The following COL14A1 variants were observed in gnomAD, a reference collection of about 807,000 sequenced individuals.
COL14A1 encodes the protein collagen alpha-1(XIV) chain.
COL14A1 carries 136 observed loss-of-function variants against 230.3 expected under a neutral mutation model. The observed-to-expected ratio is 0.59, with a 90% CI of 0.51 to 0.68. COL14A1 has a LOEUF of 0.68. Ranked by LOEUF, COL14A1 falls within the 30% of genes least tolerant of loss-of-function variation. The pLI is 0.00. For synonymous variants in COL14A1, 792 were observed against 784.1 expected (o/e 1.01, Z -0.17); for missense variants, 1,976 against 2,215.8 (o/e 0.89, Z 2.17).
chr8:120,302,889 A>G (rs1014725027), intron 36 of COL14A1, among the ~76,000 whole-genome samples: 1 of 152,134 alleles, frequency 6.6e-6, no homozygotes, highest in African/African-American at 2.4e-5. Context: ...ACGTTTTTCC[A>G]TTTGTTTATG....
chr8:120,148,717 G>T (rs1041152119), intron 2 of COL14A1, among the ~76,000 whole-genome samples: 1 of 152,070 alleles, frequency 6.6e-6, no homozygotes, highest in Non-Finnish European at 1.5e-5. Flanking sequence ...ACATTATAAG[G>T]GCCTGACAGA....
chr8:120,285,966 A>T lies in COL14A1; in HGVS notation c.4073A>T (p.His1358Leu). Reference sequence around the variant, plus strand: ...AGGAAAATTTTTTATGGAAGCTTTCACAAGGTTAGTAATGCTTTGTATGCA... The same window carrying T: ...AGGAAAATTTTTTATGGAAGCTTTCTCAAGGTTAGTAATGCTTTGTATGCA... ...EIRKIFYGSF[H>L]KLHIVVSETL... The change falls in exon 33 of 48, where the codon CAC becomes CTC. Residue 1358 changes from histidine to leucine, a missense_variant. Physicochemically the swap from His to Leu is moderately conservative, Grantham distance 99. Transcript: ENST00000297848. The T allele has an allele frequency of 6.5e-7, 1 of 1,542,414 alleles. No individual in the cohort carries two copies. The highest frequency in any genetic ancestry group is 9.0e-7 in the Non-Finnish European group (1 of 1,115,394).
intron 4 of COL14A1, among the ~76,000 whole-genome samples, chr8:120,166,922 G>GTGTGTGTGTGTGTGTGTGTGTGTGT (rs1217998586): frequency 7.4e-6 from 1 of 134,412 alleles, no homozygotes; most frequent in East Asian, 2.1e-4. Context: ...GTGTGTGTGT[G>GTGTGTGTGTGTGTGTGTGTGTGTGT]GTGGTGATGA....
intron 13 of COL14A1, among the ~76,000 whole-genome samples, chr8:120,214,418 A>C (rs1817691960): frequency 6.6e-6 from 1 of 152,206 alleles, no homozygotes; most frequent in Non-Finnish European, 1.5e-5. Flanking sequence ...TTTTTACAAT[A>C]AGCCTGTAAA....
intron 31 of COL14A1, among the ~76,000 whole-genome samples, chr8:120,281,726 CTAA>C (rs1820047230): frequency 6.6e-6 from 1 of 152,048 alleles, no homozygotes; most frequent in African/African-American, 2.4e-5. Flanking sequence ...CACAAAGAAG[CTAA>C]ATGACTTGAG....
chr8:120,318,795 C>T (rs569249006), intron 40 of COL14A1, among the ~76,000 whole-genome samples: 3 of 152,186 alleles, frequency 2.0e-5, no homozygotes, highest in African/African-American at 7.2e-5. Context: ...AGAGAGCAAA[C>T]GCAGGATGAT....
At chr8:120,156,174 C>CTTTTTTT (rs67203803) in intron 2 of COL14A1, among the ~76,000 whole-genome samples, 1 of 148,088 alleles carries the variant, frequency 6.8e-6, no homozygotes, top group Non-Finnish European at 1.5e-5. Context: ...AGGGTGACTT[C>CTTTTTTT]TTTTTTTTTT....
At chr8:120,236,131 C>T (rs1818436065) in intron 19 of COL14A1, among the ~76,000 whole-genome samples, 1 of 152,102 alleles carries the variant, frequency 6.6e-6, no homozygotes, top group Non-Finnish European at 1.5e-5. Flanking sequence ...TCTATTAGGT[C>T]CTCTTGGTCC....
chr8:120,367,465 G>A (rs1262542221), intron 46 of COL14A1, among the ~76,000 whole-genome samples: 2 of 152,152 alleles, frequency 1.3e-5, no homozygotes, highest in East Asian at 3.9e-4. Context: ...GTTTGTGTGA[G>A]TTGCGATAGG....
Position 120,206,999 on chromosome 8 carries a change from G to T in COL14A1, c.1096G>T (p.Ala366Ser). 1 of 1,613,824 alleles carries T rather than the reference G, an allele frequency of 6.2e-7. No individual in the cohort carries two copies. Among genetic ancestry groups the T allele is most frequent in the Non-Finnish European group, 8.5e-7 (1 of 1,179,854 alleles). ...PTELITSEVT[A>S]RSFMVNWTHA... ...GGAGTTGATTACTTCTGAAGTCACTGCCAGAAGCTTTATGGTTAACTGGAC... is the reference window on the plus strand; with the variant it reads ...GGAGTTGATTACTTCTGAAGTCACTTCCAGAAGCTTTATGGTTAACTGGAC... The change falls in exon 10 of 48, where the codon GCC becomes TCC. Residue 366 changes from alanine (A) to serine (S), a missense_variant. Around this residue, in one of 3 missense-constraint regions of COL14A1, gnomAD observed 1,791 missense variants for 2,019.5 expected, o/e 0.89. Transcript: ENST00000297848.
Position 120,272,159 on chromosome 8 carries a change from TAACTG to T in COL14A1, c.3213+1986_3213+1990del, listed in dbSNP as rs967430602. ...CTATTTTTAGCCTCCTTAAACAAAA[TAACTG>T]TCAGCCAAGAATTCTGAATCCAGCA... is the stretch of plus-strand genomic sequence containing the variant. On this transcript the variant is annotated intron_variant, in intron 26 of 47. Coordinates refer to ENST00000297848, the MANE Select transcript of COL14A1 (RefSeq NM_021110.4). 1.6e-3 allele frequency among the ~76,000 whole-genome samples: 243 copies of T among 151,804 alleles called. 3 individuals carry two copies. Among genetic ancestry groups the T allele is most frequent in the Middle Eastern group, 3.4e-3 (1 of 294 alleles).
intron 45 of COL14A1, among the ~76,000 whole-genome samples, chr8:120,360,405 A>G (rs912761311): frequency 2.0e-5 from 3 of 152,198 alleles, no homozygotes; most frequent in Non-Finnish European, 4.4e-5. Flanking sequence ...GCCCTGGCCT[A>G]GACTAGCCTT....
At chr8:120,288,068 A>T (rs1268447650) in intron 33 of COL14A1, among the ~76,000 whole-genome samples, 1 of 152,068 alleles carries the variant, frequency 6.6e-6, no homozygotes, top group Non-Finnish European at 1.5e-5. Context: ...CCCACAAGTT[A>T]ACAATTCTTA....
In COL14A1 at chr8:120,280,417, A is replaced by C. The variant is rs552467369; in HGVS notation, c.3647-294A>C. 1.2e-3 allele frequency among the ~76,000 whole-genome samples: 184 copies of C among 152,216 alleles called. 1 individual carries two copies. The highest frequency in any genetic ancestry group is 2.4e-3 in the Non-Finnish European group (161 of 68,026). ...GATGTAAAATGTATTAAGAATTCTC[A>C]TCTGGGCAACATATTACAAGGGAGA... On this transcript the variant is annotated intron_variant, in intron 29 of 47. Transcript: ENST00000297848.
intron 14 of COL14A1, among the ~76,000 whole-genome samples, chr8:120,217,055 T>C (rs1817772844): frequency 6.6e-6 from 1 of 152,110 alleles, no homozygotes; most frequent in Non-Finnish European, 1.5e-5. Flanking sequence ...AGTCACAGGA[T>C]AGGAGGAGCA....
At chr8:120,158,053 C>A in intron 2 of COL14A1, 77 bp from the exon 3 acceptor site, 1 of 751,470 alleles carries the variant, frequency 1.3e-6, no homozygotes, top group Non-Finnish European at 2.2e-6. Context: ...TTTTATTATA[C>A]TACTTTGACT....
At chr8:120,250,182 A>G (rs537246919) in intron 21 of COL14A1, among the ~76,000 whole-genome samples, 10 of 152,236 alleles carry the variant, frequency 6.6e-5, no homozygotes, top group South Asian at 4.1e-4. Context: ...CTGGTTCACA[A>G]TGTGGCAAGG....
Position 120,209,874 on chromosome 8 carries a change from A to T in COL14A1, c.1440A>T (p.Thr480=), listed in dbSNP as rs770747792. ...ACCTGATCCTTTATGCTCCTCTAAC[A>T]GAGGGCCTGGCTGGGGATGAAAAAG... is the stretch of plus-strand genomic sequence containing the variant. ...SGYLILYAPL[T]EGLAGDEKEM... Residue 480 remains threonine (T), a synonymous_variant, in exon 12 of 48, where the codon ACA becomes ACT. Coordinates refer to ENST00000297848, the MANE Select transcript of COL14A1 (RefSeq NM_021110.4). 1 of 1,611,020 alleles carries T rather than the reference A, an allele frequency of 6.2e-7. No homozygotes were observed. Among genetic ancestry groups the T allele is most frequent in the Admixed American group, 1.7e-5 (1 of 59,362 alleles).
In COL14A1 at chr8:120,152,119, G is replaced by A. The variant is rs911041068; in HGVS notation, c.88+4189G>A. Among the ~76,000 whole-genome samples the A allele has an allele frequency of 2.6e-5, 4 of 152,138 alleles. No homozygotes were observed. The East Asian group carries it at 5.8e-4, about 22-fold the overall frequency. ...AGATAGTACATGTCTGTTGTTTTAA[G>A]CCACTAAGATTTTGAAATTTATTAT... On this transcript the variant is annotated intron_variant, in intron 2 of 47. Transcript: ENST00000297848.
Sources: gnomAD v4.1 joint callset for allele counts (sites outside exome capture counted in the v4.1 genomes callset) on GRCh38, gnomAD v4.1.1 for gene constraint, gnomAD v4.1.1 regional missense constraint, MANE v1.5 for transcripts, NCBI Gene and HGNC (gene_info 2026-07-23, HGNC 2026-07-21) for gene names.